LINGO2: variants seen among roughly 807,000 people sequenced by gnomAD.
LINGO2 encodes the protein leucine rich repeat and Ig domain containing 2.
Under a neutral mutation model 30.6 loss-of-function variants are expected in LINGO2, and 14 were observed. That is an observed-to-expected ratio of 0.46 (90% CI 0.30 to 0.72). LINGO2 has a LOEUF of 0.72. Among genes scored for constraint, LINGO2 ranks in the 30% least tolerant of loss-of-function variants. The probability of loss-of-function intolerance (pLI) is 0.07; values close to 1 mark genes in which losing one functional copy is unlikely to be tolerated. For missense variants in LINGO2, 729 were observed against 751.7 expected, an observed-to-expected ratio of 0.97 and a Z score of 0.35; for synonymous variants, 317 against 288.5, an observed-to-expected ratio of 1.10 and a Z score of -1.00.
intron 4 of LINGO2, among the ~76,000 whole-genome samples, chr9:28,164,601 T>C (rs1210707537): frequency 1.3e-5 from 2 of 152,108 alleles, no homozygotes; most frequent in Non-Finnish European, 2.9e-5. Flanking sequence ...TACAGATAAA[T>C]GTCTTGAGAG....
At chr9:28,238,972 C>T (rs1469760101) in intron 4 of LINGO2, among the ~76,000 whole-genome samples, 2 of 151,566 alleles carry the variant, frequency 1.3e-5, no homozygotes, top group African/African-American at 4.8e-5. Flanking sequence ...ACAATGGATG[C>T]CACAGAAATT....
chr9:29,104,266 T>C, the LINGO2 span, among the ~76,000 whole-genome samples: 5 of 152,210 alleles, frequency 3.3e-5, no homozygotes, highest in East Asian at 1.9e-4. Flanking sequence ...TGGGAGGTGA[T>C]TGGATCATGG....
chr9:28,828,819 C>T, the LINGO2 span, among the ~76,000 whole-genome samples: 3 of 152,116 alleles, frequency 2.0e-5, no homozygotes, highest in Non-Finnish European at 4.4e-5. Context: ...AGTACTAATA[C>T]ACAAGTTTTA....
chr9:28,828,600 CTT>C, the LINGO2 span, among the ~76,000 whole-genome samples: 2 of 144,812 alleles, frequency 1.4e-5, no homozygotes, highest in African/African-American at 2.5e-5. Context: ...TAGAGGCAAC[CTT>C]TTTTTTTTTT....
At chr9:28,837,634 C>G in the LINGO2 span, among the ~76,000 whole-genome samples, 238 of 89,586 alleles carry the variant, frequency 2.7e-3, 1 homozygote, top group African/African-American at 9.1e-3. Flanking sequence ...GCAACAAGAG[C>G]AAAACTCCGT....
chr9:28,335,847 T>A (rs911246503), intron 3 of LINGO2, among the ~76,000 whole-genome samples: 4 of 152,156 alleles, frequency 2.6e-5, no homozygotes, highest in Non-Finnish European at 4.4e-5. Context: ...TGAAGGACAT[T>A]TGGGTTGTTT....
chr9:28,409,607 A>G (rs1225466208), intron 2 of LINGO2, among the ~76,000 whole-genome samples: 1 of 143,736 alleles, frequency 7.0e-6, no homozygotes, highest in Non-Finnish European at 1.5e-5. Flanking sequence ...AGCTGGCTTA[A>G]CAGATGTGCA....
At chr9:28,349,113 C>A (rs1587512419) in intron 3 of LINGO2, among the ~76,000 whole-genome samples, 1 of 152,314 alleles carries the variant, frequency 6.6e-6, no homozygotes, top group East Asian at 1.9e-4. Context: ...CAAAGGAATG[C>A]AGTTCCTCAC....
chr9:28,204,076 A>C (rs1024041616), intron 4 of LINGO2, among the ~76,000 whole-genome samples: 2 of 152,170 alleles, frequency 1.3e-5, no homozygotes, highest in African/African-American at 4.8e-5. Context: ...TGTTGCATGG[A>C]ATACTCTTTA....
chr9:28,984,053 G>A, the LINGO2 span, among the ~76,000 whole-genome samples: 1 of 151,862 alleles, frequency 6.6e-6, no homozygotes, highest in Admixed American at 6.6e-5. Context: ...TTTTAAAAAG[G>A]CATAAATGCA....
At chr9:28,088,556 T>C (rs1825981106) in intron 4 of LINGO2, among the ~76,000 whole-genome samples, 1 of 151,990 alleles carries the variant, frequency 6.6e-6, no homozygotes, top group African/African-American at 2.4e-5. Context: ...CTAAGTCCTC[T>C]GGGTACTGAC....
intron 1 of LINGO2, among the ~76,000 whole-genome samples, chr9:28,618,498 A>C (rs1251235062): frequency 6.6e-6 from 1 of 152,220 alleles, no homozygotes; most frequent in East Asian, 1.9e-4. Context: ...GTTATTTTTT[A>C]ATATAAATTG....
intron 4 of LINGO2, among the ~76,000 whole-genome samples, chr9:28,184,218 A>G (rs529358340): frequency 1.3e-5 from 2 of 152,284 alleles, no homozygotes; most frequent in South Asian, 4.1e-4. Flanking sequence ...TAAAAGTCCA[A>G]CAATGCTCAT....
the LINGO2 span, among the ~76,000 whole-genome samples, chr9:29,044,710 T>C: frequency 2.6e-5 from 4 of 151,958 alleles, no homozygotes; most frequent in African/African-American, 9.7e-5. Context: ...AGTAGAGTGA[T>C]TAAATAAAAT....
chr9:28,102,413 C>T (rs765044867), intron 4 of LINGO2, among the ~76,000 whole-genome samples: 41 of 152,008 alleles, frequency 2.7e-4, no homozygotes, highest in South Asian at 1.2e-3. Context: ...AAGATGAATT[C>T]ATTTAAGAGA....
the LINGO2 span, among the ~76,000 whole-genome samples, chr9:29,209,540 T>C: frequency 6.6e-6 from 1 of 152,122 alleles, no homozygotes; most frequent in Non-Finnish European, 1.5e-5. Flanking sequence ...AGGATTTCTT[T>C]AGAAGCATAA....
chr9:28,688,726 A>G, the LINGO2 span, among the ~76,000 whole-genome samples: 4 of 152,314 alleles, frequency 2.6e-5, no homozygotes, highest in African/African-American at 9.6e-5. Flanking sequence ...TAAACTACTA[A>G]GCAAGCTGAA....
intron 2 of LINGO2, among the ~76,000 whole-genome samples, chr9:28,378,169 A>T (rs531060741): frequency 2.0e-5 from 3 of 152,334 alleles, no homozygotes; most frequent in African/African-American, 7.2e-5. Context: ...AAAATTCCTC[A>T]GACAGAAAAG....
chr9:28,842,349 TAA>T, the LINGO2 span, among the ~76,000 whole-genome samples: 1 of 151,886 alleles, frequency 6.6e-6, no homozygotes, highest in Admixed American at 6.5e-5. Flanking sequence ...TTTGTAACAC[TAA>T]GTTATTAATT....
Sources: allele counts gnomAD v4.1 joint callset (sites outside exome capture counted in the v4.1 genomes callset), GRCh38; gene constraint gnomAD v4.1.1; transcripts MANE v1.5; gene names NCBI Gene and HGNC (gene_info 2026-07-23, HGNC 2026-07-21).